The following ADGRL2 variants were observed in gnomAD, a reference collection of about 807,000 sequenced individuals.
The protein encoded by ADGRL2 is adhesion G protein-coupled receptor L2.
ADGRL2 carries 44 observed loss-of-function variants against 157.4 expected under a neutral mutation model. The observed-to-expected ratio is 0.28, with a 90% CI of 0.22 to 0.36. The LOEUF is 0.36. ADGRL2 is among the 10% of genes least tolerant of loss of function. ADGRL2 has a pLI of 1.00. For synonymous variants in ADGRL2, 585 were observed against 624.7 expected, an observed-to-expected ratio of 0.94 and a Z score of 0.95; for missense variants, 1,510 against 1,768.9, an observed-to-expected ratio of 0.85 and a Z score of 2.63.
chr1:81,452,389 C>T (rs903052776), intron 2 of ADGRL2, among the ~76,000 whole-genome samples: 1 of 152,138 alleles, frequency 6.6e-6, no homozygotes. Flanking sequence ...ATGGGAGAAA[C>T]AGCCTTACAC....
intron 2 of ADGRL2, among the ~76,000 whole-genome samples, chr1:81,549,663 G>A (rs1315748084): frequency 6.6e-6 from 1 of 152,156 alleles, no homozygotes; most frequent in Non-Finnish European, 1.5e-5. Flanking sequence ...TTTTAGGAGA[G>A]AGCTAAGGGA....
chr1:81,493,202 C>T (rs950276939), intron 2 of ADGRL2, among the ~76,000 whole-genome samples: 1 of 152,130 alleles, frequency 6.6e-6, no homozygotes, highest in African/African-American at 2.4e-5. Flanking sequence ...AAATGTACCC[C>T]ACTCCCGCCC....
At chr1:81,772,827 TA>T (rs2086430398) in intron 2 of ADGRL2, among the ~76,000 whole-genome samples, 1 of 152,138 alleles carries the variant, frequency 6.6e-6, no homozygotes, top group Non-Finnish European at 1.5e-5. Context: ...TTATAGCTAT[TA>T]CATAGCTATA....
At chr1:81,808,647 G>T (rs1427727231) in intron 1 of ADGRL2, among the ~76,000 whole-genome samples, 1 of 151,978 alleles carries the variant, frequency 6.6e-6, no homozygotes, top group Non-Finnish European at 1.5e-5. Flanking sequence ...AGAATCAAAA[G>T]AAACCTACTC....
At chr1:81,359,764 C>T (rs2075944465) in intron 1 of ADGRL2, among the ~76,000 whole-genome samples, 1 of 151,926 alleles carries the variant, frequency 6.6e-6, no homozygotes, top group South Asian at 2.1e-4. Flanking sequence ...GCATTACCAC[C>T]CCCAACCTGT....
intron 2 of ADGRL2, among the ~76,000 whole-genome samples, chr1:81,570,508 C>T (rs542444693): frequency 6.6e-6 from 1 of 152,230 alleles, no homozygotes; most frequent in East Asian, 1.9e-4. Flanking sequence ...TGTGCCTCAG[C>T]CTCCCAAGTA....
At chr1:81,941,902 A>C (rs546704867) in intron 4 of ADGRL2, 132 bp from the exon 5 acceptor site, 1 of 504,580 alleles carries the variant, frequency 2.0e-6, no homozygotes, top group Non-Finnish European at 3.5e-6. Context: ...CCAAAGTAGT[A>C]CAGCTCTTAA....
intron 2 of ADGRL2, chr1:81,501,763 G>A (rs1457057356): frequency 1.2e-6 from 2 of 1,610,354 alleles, no homozygotes; most frequent in South Asian, 1.1e-5. Flanking sequence ...TGAAGCTTGA[G>A]GCAAAAATGG....
At chr1:81,560,200 G>A (rs2080408398) in intron 2 of ADGRL2, among the ~76,000 whole-genome samples, 1 of 152,152 alleles carries the variant, frequency 6.6e-6, no homozygotes, top group Admixed American at 6.5e-5. Flanking sequence ...TATGGGTATT[G>A]TGAAGGATTA....
chr1:81,898,424 C>T (rs533310187), intron 2 of ADGRL2, among the ~76,000 whole-genome samples: 8 of 152,066 alleles, frequency 5.3e-5, no homozygotes, highest in Non-Finnish European at 1.0e-4. Flanking sequence ...TTACTTTCCA[C>T]GTGTCGTAGT....
At chr1:81,944,302 G>A (rs192788319) in intron 6 of ADGRL2, among the ~76,000 whole-genome samples, 331 of 152,124 alleles carry the variant, frequency 2.2e-3, no homozygotes, top group African/African-American at 7.6e-3. Flanking sequence ...TGATAAATTA[G>A]TGACAGTTTG....
intron 3 of ADGRL2, among the ~76,000 whole-genome samples, chr1:81,658,035 A>G (rs975965523): frequency 1.3e-5 from 2 of 152,202 alleles, no homozygotes; most frequent in African/African-American, 4.8e-5. Flanking sequence ...TAGTTTTACT[A>G]TATATTATGT....
chr1:81,890,380 T>G (rs1158368723), intron 2 of ADGRL2, among the ~76,000 whole-genome samples: 2 of 152,312 alleles, frequency 1.3e-5, no homozygotes, highest in Non-Finnish European at 2.9e-5. Flanking sequence ...TATAGCAGCT[T>G]GGTGCCACAG....
At position 81,377,385 on chromosome 1, in the gene ADGRL2, A is replaced by G. The variant is rs143164155; in HGVS notation, c.-301-67651A>G. Among the ~76,000 whole-genome samples the G allele has an allele frequency of 2.0e-5, 3 of 152,270 alleles. 1 individual carries two copies. The East Asian group carries it at 5.8e-4, about 29-fold the overall frequency. ...ATTCTCGGTAAATGGTACTATCATG[A>G]TCATTATTACCCTCCTCATCCTTTA... On this transcript the variant is annotated intron_variant, in intron 1 of 24. Transcript: ENST00000370721.
chr1:81,526,875 A>C (rs1230920542), intron 2 of ADGRL2, among the ~76,000 whole-genome samples: 1 of 152,212 alleles, frequency 6.6e-6, no homozygotes, highest in Admixed American at 6.5e-5. Context: ...GGCAGAGCTA[A>C]CACAAGCGCA....
chr1:81,903,720 T>C (rs908955735), intron 2 of ADGRL2, among the ~76,000 whole-genome samples: 6 of 144,430 alleles, frequency 4.2e-5, no homozygotes, highest in Non-Finnish European at 9.2e-5. Flanking sequence ...ATTCATTATA[T>C]ATATATATAC....
rs141876992 is a variant in ADGRL2, at chr1:81,345,956, T to A, written c.-302+39447T>A. Among the ~76,000 whole-genome samples the A allele has an allele frequency of 5.4e-3, 819 of 152,288 alleles. 8 individuals are homozygous for A. Among genetic ancestry groups the A allele is most frequent in the African/African-American group, 0.018 (768 of 41,560 alleles). On this transcript the variant is annotated intron_variant, in intron 1 of 24. Transcript: ENST00000370721. ...CTGGATTCTGAATTTTATGAAAAAA[T>A]AATTTTTTAATATTTCTAGCCTCTA...
At chr1:81,415,199 A>AT (rs139008453) in intron 1 of ADGRL2, among the ~76,000 whole-genome samples, 28,724 of 152,220 alleles carry the variant, frequency 0.19, 2,832 homozygotes, top group South Asian at 0.29. Context: ...TCCAACCCAC[A>AT]TTTGTCTTTG....
rs372066438 is a variant in ADGRL2, at chr1:81,711,037, T to C, written c.-143+11229T>C. On this transcript the variant is annotated intron_variant, in intron 1 of 20. Transcript: ENST00000359929. The stretch of plus-strand genomic sequence containing the variant: ...GAAAGTATTGTTTCACTGAGTTATG[T>C]AGATTTCCCATATGTCAGCATATTT... Among the ~76,000 whole-genome samples, 9 of 152,310 alleles carry C rather than the reference T, an allele frequency of 5.9e-5. No individual in the cohort carries two copies. The East Asian group carries it at 1.2e-3, about 20-fold the overall frequency.
Sources: allele counts gnomAD v4.1 joint callset (sites outside exome capture counted in the v4.1 genomes callset), GRCh38; gene constraint gnomAD v4.1.1; transcripts MANE v1.5; gene names NCBI Gene and HGNC (gene_info 2026-07-23, HGNC 2026-07-21).